The following AUTS2 variants were observed in gnomAD, a reference collection of about 807,000 sequenced individuals.
AUTS2 encodes autism susceptibility gene 2 protein.
Under a neutral mutation model 112.4 loss-of-function variants are expected in AUTS2, and 17 were observed. That is an observed-to-expected ratio of 0.15 (90% CI 0.10 to 0.23). AUTS2 has a LOEUF of 0.23. AUTS2 is among the 10% of genes least tolerant of loss of function. The pLI, the probability that AUTS2 is intolerant of heterozygous loss-of-function variation, is 1.00. For missense variants in AUTS2, 1,510 were observed against 1,701.6 expected (o/e 0.89, Z 1.98); for synonymous variants, 751 against 702.7 (o/e 1.07, Z -1.09).
At chr7:69,626,832 G>A (rs1793975354) in intron 1 of AUTS2, among the ~76,000 whole-genome samples, 2 of 152,248 alleles carry the variant, frequency 1.3e-5, no homozygotes, top group South Asian at 4.2e-4. Context: ...CCACGAGACT[G>A]AAGTATTAAA....
intron 4 of AUTS2, among the ~76,000 whole-genome samples, chr7:70,176,995 A>C (rs1809023807): frequency 6.6e-6 from 1 of 152,224 alleles, no homozygotes; most frequent in South Asian, 2.1e-4. Context: ...CAGAACAAGA[A>C]GTATCATGTT....
intron 4 of AUTS2, among the ~76,000 whole-genome samples, chr7:70,257,260 C>T (rs1786925657): frequency 6.6e-6 from 1 of 152,136 alleles, no homozygotes; most frequent in South Asian, 2.1e-4. Context: ...GCCACTTCAG[C>T]CTCTCAAGTA....
chr7:70,575,170 C>G (rs1171178410), intron 5 of AUTS2, among the ~76,000 whole-genome samples: 1 of 152,180 alleles, frequency 6.6e-6, no homozygotes, highest in African/African-American at 2.4e-5. Context: ...TTCTTTCCAT[C>G]TTCCCCATCT....
chr7:70,689,575 GACCATCCTGGCTAAC>G, intron 5 of AUTS2, among the ~76,000 whole-genome samples: 1 of 151,924 alleles, frequency 6.6e-6, no homozygotes, highest in Admixed American at 6.6e-5. Context: ...AGGAGATCAA[GACCATCCTGGCTAAC>G]ACAGTGAAAC....
chr7:69,913,422 T>C (rs1461155549), intron 2 of AUTS2, among the ~76,000 whole-genome samples: 1 of 152,202 alleles, frequency 6.6e-6, no homozygotes, highest in South Asian at 2.1e-4. Flanking sequence ...AGTCACTCTG[T>C]AATTCACTTT....
intron 1 of AUTS2, among the ~76,000 whole-genome samples, chr7:69,635,604 G>T (rs1415081835): frequency 1.3e-5 from 2 of 152,168 alleles, no homozygotes; most frequent in Non-Finnish European, 2.9e-5. Flanking sequence ...CAGACACTTG[G>T]CACTGATTTG....
chr7:70,113,510 G>A (rs780307192), intron 2 of AUTS2, among the ~76,000 whole-genome samples: 28 of 152,112 alleles, frequency 1.8e-4, no homozygotes, highest in Non-Finnish European at 2.9e-4. Flanking sequence ...TGAAAAAGGA[G>A]AATCTTTTGA....
At chr7:70,465,376 G>T (rs1473669401) in intron 5 of AUTS2, among the ~76,000 whole-genome samples, 1 of 152,170 alleles carries the variant, frequency 6.6e-6, no homozygotes, top group African/African-American at 2.4e-5. Context: ...TCAGGCTTCA[G>T]GTGTACATAG....
chr7:70,597,370 C>A (rs1488342723), intron 5 of AUTS2, among the ~76,000 whole-genome samples: 1 of 152,196 alleles, frequency 6.6e-6, no homozygotes, highest in Non-Finnish European at 1.5e-5. Context: ...CTGTGTTTTC[C>A]ACATTCTTCA....
rs67736075 is a variant in AUTS2, at chr7:69,778,246, ATTTT to A, written c.310-121028_310-121025del. Among the ~76,000 whole-genome samples, 1,181 of 128,086 alleles carry A rather than the reference ATTTT, an allele frequency of 9.2e-3. 8 individuals are homozygous for A. Among genetic ancestry groups the A allele is most frequent in the Admixed American group, 0.015 (199 of 13,076 alleles). 84.0% of individuals were successfully genotyped at this position (128,086 alleles called of 152,430 possible). On this transcript the variant is annotated intron_variant, in intron 1 of 18. Transcript: ENST00000342771. ...TATCCCCATATATATATATATATAT[ATTTT>A]TTTTTTTTTTTACTCATTTGGTCTG...
At chr7:70,589,052 G>C (rs889585442) in intron 5 of AUTS2, among the ~76,000 whole-genome samples, 6 of 152,216 alleles carry the variant, frequency 3.9e-5, no homozygotes, top group Admixed American at 3.3e-4. Context: ...GATACCCCAT[G>C]GTTTCCAAAA....
In AUTS2 at chr7:69,899,205, T is replaced by A. The variant is rs1562957654; in HGVS notation, c.310-81T>A. On this transcript the variant is annotated intron_variant, in intron 1 of 18. Transcript: ENST00000342771. ...TCTCCCACTTAGTAGTAACACCCTT[T>A]AGTATTTAGCCTATATTTTGGGTGT... is the stretch of plus-strand genomic sequence containing the variant. The A allele has an allele frequency of 5.9e-6, 6 of 1,025,006 alleles. No homozygotes were observed. The East Asian group carries it at 1.4e-4, about 25-fold the overall frequency. 63.5% of individuals were successfully genotyped at this position (1,025,006 alleles called of 1,614,324 possible).
intron 5 of AUTS2, among the ~76,000 whole-genome samples, chr7:70,522,550 A>G (rs1429285077): frequency 1.3e-5 from 2 of 152,210 alleles, no homozygotes; most frequent in Admixed American, 1.3e-4. Context: ...GGGAAAATAT[A>G]CAGTATTTGT....
intron 1 of AUTS2, among the ~76,000 whole-genome samples, chr7:69,804,634 C>T (rs75300640): frequency 2.0e-5 from 3 of 152,322 alleles, no homozygotes; most frequent in Non-Finnish European, 2.9e-5. Flanking sequence ...TTCCTGTTGA[C>T]AGCCAAAATG....
In AUTS2 at chr7:70,303,337, A is replaced by C. The variant is rs918258177; in HGVS notation, c.661-132415A>C. On this transcript the variant is annotated intron_variant, in intron 4 of 18. Transcript: ENST00000342771. Reference sequence around the variant, plus strand: ...AAGAGGTTTCTGACTTTCTGACAGCAGGGAGCTGAGGTTGATCTAGCAACT... The same window carrying C: ...AAGAGGTTTCTGACTTTCTGACAGCCGGGAGCTGAGGTTGATCTAGCAACT... 1.0e-3 allele frequency among the ~76,000 whole-genome samples: 153 copies of C among 152,204 alleles called. 1 individual carries two copies. Among genetic ancestry groups the C allele is most frequent in the South Asian group, 1.0e-3 (5 of 4,824 alleles).
intron 2 of AUTS2, among the ~76,000 whole-genome samples, chr7:70,020,831 A>AT (rs1800237951): frequency 6.6e-6 from 1 of 151,588 alleles, no homozygotes; most frequent in Admixed American, 6.6e-5. Context: ...TTACTGGCTA[A>AT]TTTTTTCAGT....
At chr7:69,968,425 A>G (rs1797715390) in intron 2 of AUTS2, among the ~76,000 whole-genome samples, 1 of 152,190 alleles carries the variant, frequency 6.6e-6, no homozygotes, top group Non-Finnish European at 1.5e-5. Context: ...TTAGGGGAAA[A>G]GTGTACTTTC....
chr7:70,111,007 T>G (rs764228332), intron 2 of AUTS2, among the ~76,000 whole-genome samples: 1 of 151,872 alleles, frequency 6.6e-6, no homozygotes, highest in African/African-American at 2.4e-5. Context: ...CTCGAGTAGC[T>G]GGGACTACAG....
intron 5 of AUTS2, among the ~76,000 whole-genome samples, chr7:70,674,426 G>T (rs1297519995): frequency 6.6e-6 from 1 of 152,208 alleles, no homozygotes; most frequent in Non-Finnish European, 1.5e-5. Flanking sequence ...GAGGATTGCA[G>T]TCTTTCAGAG....
Sources: allele counts gnomAD v4.1 joint callset (sites outside exome capture counted in the v4.1 genomes callset), GRCh38; gene constraint gnomAD v4.1.1; transcripts MANE v1.5; gene names NCBI Gene and HGNC (gene_info 2026-07-23, HGNC 2026-07-21).